Variants in SEMA4D observed in about 807,000 individuals in gnomAD.
SEMA4D encodes semaphorin-4D.
SEMA4D carries 22 observed loss-of-function variants against 74.8 expected under a neutral mutation model. The observed-to-expected ratio is 0.29, with a 90% confidence interval of 0.21 to 0.42. SEMA4D has a LOEUF of 0.42. SEMA4D is among the 10% of genes least tolerant of loss of function. The pLI is 1.00. For synonymous variants in SEMA4D, 445 were observed against 463.7 expected (o/e 0.96, Z 0.52); for missense variants, 937 against 1,118.4 (o/e 0.84, Z 2.31).
intron 1 of SEMA4D, among the ~76,000 whole-genome samples, chr9:89,481,239 T>G (rs1588177651): frequency 6.7e-6 from 1 of 150,062 alleles, no homozygotes; most frequent in African/African-American, 2.5e-5. Flanking sequence ...GGCGGTGGGG[T>G]GGGATGCACA....
intron 2 of SEMA4D, among the ~76,000 whole-genome samples, chr9:89,409,742 G>A (rs941545096): frequency 3.3e-5 from 5 of 152,204 alleles, no homozygotes; most frequent in Non-Finnish European, 7.4e-5. Context: ...TTCATTTCGG[G>A]TCAAATACCA....
At chr9:89,385,865 T>TGGGGGGGGGGGGGG in intron 13 of SEMA4D, 7 of 213,330 alleles carry the variant, frequency 3.3e-5, no homozygotes, top group Non-Finnish European at 5.6e-5. Flanking sequence ...CCAGCGTGGA[T>TGGGGGGGGGGGGGG]GCCCGCCCAC....
At chr9:89,387,238 A>G in intron 12 of SEMA4D, 148 bp downstream of exon 12, 1 of 641,128 alleles carries the variant, frequency 1.6e-6, no homozygotes, top group Non-Finnish European at 2.6e-6. Context: ...ACTTCTCAGA[A>G]ATCTTCTTAC....
chr9:89,491,105 C>T (rs1202314756), intron 1 of SEMA4D, among the ~76,000 whole-genome samples: 1 of 152,206 alleles, frequency 6.6e-6, no homozygotes, highest in Admixed American at 6.5e-5. Context: ...GTCAATAAAA[C>T]TGAGTAGGAC....
intron 2 of SEMA4D, among the ~76,000 whole-genome samples, chr9:89,420,201 G>A (rs1180703049): frequency 6.6e-6 from 1 of 152,132 alleles, no homozygotes; most frequent in African/African-American, 2.4e-5. Context: ...TCCTGAGTGG[G>A]AACACACTTC....
intron 1 of SEMA4D, among the ~76,000 whole-genome samples, chr9:89,480,606 C>A (rs1361082648): frequency 6.6e-6 from 1 of 152,356 alleles, no homozygotes; most frequent in East Asian, 1.9e-4. Context: ...AGCACAGCGC[C>A]GGTGGGCCAG....
intron 1 of SEMA4D, among the ~76,000 whole-genome samples, chr9:89,496,651 C>T (rs374104389): frequency 6.6e-6 from 1 of 152,350 alleles, no homozygotes; most frequent in South Asian, 2.1e-4. Flanking sequence ...TACGCAGACA[C>T]CAACTGTCAA....
At chr9:89,495,511 C>T (rs1030551351) in intron 1 of SEMA4D, among the ~76,000 whole-genome samples, 24 of 152,106 alleles carry the variant, frequency 1.6e-4, no homozygotes, top group African/African-American at 5.6e-4. Context: ...CAGGGCGGAC[C>T]CTGGCCCAGG....
At chr9:89,390,986 A>T (rs370766463) in intron 9 of SEMA4D, among the ~76,000 whole-genome samples, 2 of 152,372 alleles carry the variant, frequency 1.3e-5, no homozygotes, top group African/African-American at 4.8e-5. Flanking sequence ...AATACATTCC[A>T]CAAAGCCTTG....
At chr9:89,364,640 T>G (rs527549147) in intron 16 of SEMA4D, 1 of 155,848 alleles carries the variant, frequency 6.4e-6, no homozygotes, top group East Asian at 1.9e-4. Context: ...CTCTGTTGTT[T>G]TTCTCTGGGC....
chr9:89,400,727 A>AGTCAAC (rs1293245572), intron 4 of SEMA4D, among the ~76,000 whole-genome samples: 2 of 152,208 alleles, frequency 1.3e-5, no homozygotes, highest in Non-Finnish European at 2.9e-5. Flanking sequence ...ACACTTCAAC[A>AGTCAAC]GACTCTTGAT....
At chr9:89,364,197 G>A (rs552174355) in intron 16 of SEMA4D, 3 of 684,782 alleles carry the variant, frequency 4.4e-6, no homozygotes, top group South Asian at 3.8e-5. Flanking sequence ...AAGCACACCT[G>A]TGTGGCCTGT....
intron 12 of SEMA4D, 35 bp downstream of exon 12, chr9:89,387,351 G>A (rs1360910518): frequency 3.9e-6 from 6 of 1,538,534 alleles, no homozygotes; most frequent in Middle Eastern, 1.8e-4. Flanking sequence ...CAGATGTGCT[G>A]TCACTGTCAA....
intron 2 of SEMA4D, among the ~76,000 whole-genome samples, chr9:89,444,626 C>T (rs1296616494): frequency 1.3e-5 from 2 of 152,070 alleles, no homozygotes; most frequent in African/African-American, 4.8e-5. Flanking sequence ...CTCCCCCACC[C>T]CAAGCATATT....
At chr9:89,396,162 C>T (rs1040235751) in intron 6 of SEMA4D, among the ~76,000 whole-genome samples, 2 of 152,138 alleles carry the variant, frequency 1.3e-5, no homozygotes, top group African/African-American at 4.8e-5. Flanking sequence ...GACCTGCTGC[C>T]CCTGAGTGGG....
chr9:89,385,866 G>GGGGGGGGGGGGGGCCCCCCC, intron 13 of SEMA4D: 1 of 196,226 alleles, frequency 5.1e-6, no homozygotes, highest in Non-Finnish European at 9.0e-6. Flanking sequence ...CAGCGTGGAT[G>GGGGGGGGGGGGGGCCCCCCC]CCCGCCCACC....
Position 89,412,346 on chromosome 9 carries a change from G to A in SEMA4D, c.-243-6647C>T, listed in dbSNP as rs542910269. Among the ~76,000 whole-genome samples, 9 of 152,324 alleles carry A rather than the reference G, an allele frequency of 5.9e-5. No individual in the cohort carries two copies. In the South Asian group the frequency reaches 8.3e-4, roughly 14 times the overall value. On this transcript the variant is annotated intron_variant, in intron 2 of 15. Coordinates refer to ENST00000422704, the MANE Select transcript of SEMA4D (RefSeq NM_001371194.2). Reference sequence around the variant, plus strand: ...ATGGCAAAGCCATCCCCAAACGAATGTGGCTGAGAGAAGGTATTTCCAGGA... The same window carrying A: ...ATGGCAAAGCCATCCCCAAACGAATATGGCTGAGAGAAGGTATTTCCAGGA...
At chr9:89,450,349 C>T (rs1349271117) in intron 2 of SEMA4D, 6 of 948,946 alleles carry the variant, frequency 6.3e-6, no homozygotes, top group African/African-American at 4.8e-5. Flanking sequence ...ACTTGACATG[C>T]CTTCTTCAGT....
rs1834334439 is a variant in SEMA4D, at chr9:89,370,187, T to C, written c.1883-6237A>G. ...TGGTCTGTGTGTATGGTGTTTGATG[T>C]GTGTGTGGTGTGTGTGATTTGGTGT... On this transcript the variant is annotated intron_variant, in intron 16 of 18. Transcript: ENST00000339861. 3.3e-5 allele frequency among the ~76,000 whole-genome samples: 5 copies of C among 151,400 alleles called. No individual in the cohort carries two copies. In the South Asian group the frequency reaches 1.0e-3, roughly 32 times the overall value.
Sources: allele counts gnomAD v4.1 joint callset (sites outside exome capture counted in the v4.1 genomes callset), GRCh38; gene constraint gnomAD v4.1.1; transcripts MANE v1.5; gene names NCBI Gene and HGNC (gene_info 2026-07-23, HGNC 2026-07-21).